Variants in PLEKHM3 observed in about 807,000 individuals in gnomAD.
PLEKHM3 encodes pleckstrin homology domain-containing family M member 3.
A neutral mutation model predicts 81.8 loss-of-function variants in PLEKHM3; 45 were observed. That is an observed-to-expected ratio of 0.55 (90% CI 0.43 to 0.71). The LOEUF is 0.71. Ranked by LOEUF, PLEKHM3 falls within the 30% of genes least tolerant of loss-of-function variation. The pLI, the probability that PLEKHM3 is intolerant of heterozygous loss-of-function variation, is 0.00. For missense variants in PLEKHM3, 788 were observed against 924.3 expected, an observed-to-expected ratio of 0.85 and a Z score of 1.91; for synonymous variants, 352 against 356.4, an observed-to-expected ratio of 0.99 and a Z score of 0.14.
At chr2:207,844,038 G>C (rs903504302) in intron 7 of PLEKHM3, among the ~76,000 whole-genome samples, 7 of 151,850 alleles carry the variant, frequency 4.6e-5, no homozygotes, top group African/African-American at 1.5e-4. Flanking sequence ...AGCCCTGATA[G>C]TGCCACTGCA....
chr2:207,874,373 G>A (rs922303517), intron 6 of PLEKHM3, among the ~76,000 whole-genome samples: 4 of 151,962 alleles, frequency 2.6e-5, no homozygotes, highest in South Asian at 2.1e-4. Context: ...TTGGGAGTTC[G>A]AGACAAGCCT....
At chr2:208,013,278 G>A (rs1692761184) in intron 1 of PLEKHM3, among the ~76,000 whole-genome samples, 1 of 152,194 alleles carries the variant, frequency 6.6e-6, no homozygotes, top group Admixed American at 6.5e-5. Flanking sequence ...AGCACTTTGG[G>A]AGGTCGAGGC....
At chr2:207,947,831 A>G (rs1243506224) in intron 3 of PLEKHM3, among the ~76,000 whole-genome samples, 1 of 152,246 alleles carries the variant, frequency 6.6e-6, no homozygotes, top group Non-Finnish European at 1.5e-5. Context: ...CCAACCTAAG[A>G]AGATTCTGAT....
intron 6 of PLEKHM3, among the ~76,000 whole-genome samples, chr2:207,885,918 T>C (rs181143965): frequency 3.7e-4 from 57 of 152,298 alleles, no homozygotes; most frequent in Non-Finnish European, 6.2e-4. Flanking sequence ...CATGAGTCCA[T>C]ACACCGTTCC....
intron 3 of PLEKHM3, among the ~76,000 whole-genome samples, chr2:207,963,575 A>G (rs1243762694): frequency 6.6e-6 from 1 of 152,232 alleles, no homozygotes; most frequent in African/African-American, 2.4e-5. Context: ...CCAGCAGCAA[A>G]TAAAGTGAGG....
intron 6 of PLEKHM3, among the ~76,000 whole-genome samples, chr2:207,891,853 C>A (rs925036512): frequency 6.6e-6 from 1 of 152,224 alleles, no homozygotes; most frequent in South Asian, 2.1e-4. Flanking sequence ...TCAAGACTTG[C>A]TTTCAAGGCT....
intron 6 of PLEKHM3, among the ~76,000 whole-genome samples, chr2:207,872,597 G>T (rs548414976): frequency 3.9e-5 from 6 of 152,302 alleles, no homozygotes; most frequent in African/African-American, 1.2e-4. Context: ...CAGCACTTTG[G>T]GAGGCTGAGG....
intron 1 of PLEKHM3, among the ~76,000 whole-genome samples, chr2:208,011,775 C>T (rs1292199525): frequency 1.3e-4 from 19 of 142,536 alleles, no homozygotes; most frequent in African/African-American, 4.5e-4. Context: ...TTTTTAAGTG[C>T]TCTGATAAAC....
chr2:207,852,202 A>G (rs541060387), intron 7 of PLEKHM3, among the ~76,000 whole-genome samples: 2 of 152,182 alleles, frequency 1.3e-5, no homozygotes, highest in Non-Finnish European at 2.9e-5. Flanking sequence ...GTAAGATATA[A>G]TGGAAAAAAC....
chr2:207,830,444 ACT>A (rs1256972746), intron 7 of PLEKHM3, among the ~76,000 whole-genome samples: 1 of 151,372 alleles, frequency 6.6e-6, no homozygotes, highest in Non-Finnish European at 1.5e-5. Flanking sequence ...TGAAACCCCG[ACT>A]CTACTGAAAA....
At chr2:207,980,785 G>A (rs1469281245) in intron 2 of PLEKHM3, among the ~76,000 whole-genome samples, 2 of 152,056 alleles carry the variant, frequency 1.3e-5, no homozygotes, top group Non-Finnish European at 2.9e-5. Context: ...TGCCAAGGCT[G>A]GGGAAATGGT....
intron 1 of PLEKHM3, among the ~76,000 whole-genome samples, chr2:208,002,562 T>C (rs1454310490): frequency 6.6e-6 from 1 of 152,190 alleles, no homozygotes; most frequent in African/African-American, 2.4e-5. Flanking sequence ...ACTTCCAGGA[T>C]TGGCCTCAGA....
At chr2:207,884,301 C>T (rs1397587855) in intron 6 of PLEKHM3, among the ~76,000 whole-genome samples, 1 of 152,052 alleles carries the variant, frequency 6.6e-6, no homozygotes, top group African/African-American at 2.4e-5. Context: ...CTGCTCTCAC[C>T]ACATCTATTC....
At chr2:207,891,238 G>C (rs1013756698) in intron 6 of PLEKHM3, among the ~76,000 whole-genome samples, 4 of 152,114 alleles carry the variant, frequency 2.6e-5, no homozygotes, top group African/African-American at 4.8e-5. Context: ...CATGGGGGTG[G>C]GATAAAGCCT....
At chr2:207,935,358 G>A (rs944043348) in intron 4 of PLEKHM3, among the ~76,000 whole-genome samples, 2 of 152,156 alleles carry the variant, frequency 1.3e-5, no homozygotes, top group African/African-American at 4.8e-5. Context: ...ATGCATGGGC[G>A]GTGGGAGTGT....
Position 207,825,810 on chromosome 2 carries a change from A to G in PLEKHM3, c.*2509T>C, listed in dbSNP as rs1045396875. 2.6e-5 allele frequency: 4 copies of G among 152,176 alleles called. No homozygotes were observed. Among genetic ancestry groups the G allele is most frequent in the Admixed American group, 2.6e-4 (4 of 15,262 alleles). The allele number at this position is 152,176 out of a possible 1,614,324, so 9.4% of individuals were successfully genotyped here. Reference sequence around the variant, plus strand: ...GGTAGCTGATGGTGATAACACATCGATTTTTTGTTTCCCTTTTGAAAATAA... The same window carrying G: ...GGTAGCTGATGGTGATAACACATCGGTTTTTTGTTTCCCTTTTGAAAATAA... On this transcript the variant is annotated 3_prime_UTR_variant, in exon 8 of 8. Coordinates refer to ENST00000427836, the MANE Select transcript of PLEKHM3 (RefSeq NM_001080475.3).
intron 2 of PLEKHM3, among the ~76,000 whole-genome samples, chr2:207,979,460 G>C (rs1691446650): frequency 6.6e-6 from 1 of 151,914 alleles, no homozygotes; most frequent in African/African-American, 2.4e-5. Flanking sequence ...CTTGAACCCA[G>C]GAGGCGGAAG....
At position 208,001,400 on chromosome 2, in the gene PLEKHM3, G is replaced by C; in HGVS notation, c.240C>G (p.Leu80=). The change falls in exon 2 of 8, where the codon CTC becomes CTG. Residue 80 remains leucine, a synonymous_variant. Transcript: ENST00000427836. ...GMIWDHCKSR[L]LETKAQNVFP... ...AGACATTTTGAGCTTTGGTTTCTAA[G>C]AGCCTGCTCTTACAGTGGTCCCAAA... The C allele has an allele frequency of 1.2e-6, 2 of 1,614,166 alleles. No homozygotes were observed. Among genetic ancestry groups the C allele is most frequent in the East Asian group, 2.2e-5 (1 of 44,892 alleles).
In PLEKHM3 at chr2:207,835,193, T is replaced by C. The variant is rs190632706; in HGVS notation, c.2109-6697A>G. Among the ~76,000 whole-genome samples the C allele has an allele frequency of 6.3e-4, 96 of 152,196 alleles. 1 individual carries two copies. In the East Asian group the frequency reaches 0.017, roughly 27 times the overall value. ...CTCCTGACCTTGTGATCCGCCCGCCTTGGCCTCCCAAAGTGCTGGGATTAC... is the reference window on the plus strand; with the variant it reads ...CTCCTGACCTTGTGATCCGCCCGCCCTGGCCTCCCAAAGTGCTGGGATTAC... On this transcript the variant is annotated intron_variant, in intron 7 of 7. Transcript: ENST00000427836.
Sources: gnomAD v4.1 joint callset for allele counts (sites outside exome capture counted in the v4.1 genomes callset) on GRCh38, gnomAD v4.1.1 for gene constraint, MANE v1.5 for transcripts, NCBI Gene and HGNC (gene_info 2026-07-23, HGNC 2026-07-21) for gene names.